The following RFX4 variants were observed in gnomAD, a reference collection of about 807,000 sequenced individuals.
RFX4 encodes the protein regulatory factor X4.
In RFX4, 10 loss-of-function variants were observed where a neutral mutation model predicts 95.0. The ratio of observed to expected loss-of-function variants is 0.11; its 90% CI spans 0.06 to 0.18. RFX4 has a LOEUF of 0.18. Among genes scored for constraint, RFX4 ranks in the 10% least tolerant of loss-of-function variants. The probability of loss-of-function intolerance (pLI) is 1.00; values close to 1 mark genes in which losing one functional copy is unlikely to be tolerated. For synonymous variants in RFX4, 321 were observed against 340.7 expected (o/e 0.94, Z 0.64); for missense variants, 640 against 922.0 (o/e 0.69, Z 3.96).
intron 2 of RFX4, among the ~76,000 whole-genome samples, chr12:106,619,500 T>A (rs1282759225): frequency 6.6e-6 from 1 of 152,188 alleles, no homozygotes; most frequent in Admixed American, 6.5e-5. Context: ...TTTTTGTCTC[T>A]GGCTGGTTTA....
chr12:106,665,630 T>C (rs2041160173), intron 4 of RFX4, among the ~76,000 whole-genome samples: 1 of 152,058 alleles, frequency 6.6e-6, no homozygotes, highest in Non-Finnish European at 1.5e-5. Context: ...CATTCCATTT[T>C]TTCTCCTTTA....
At chr12:106,698,334 C>T (rs2041921032) in intron 8 of RFX4, among the ~76,000 whole-genome samples, 1 of 151,774 alleles carries the variant, frequency 6.6e-6, no homozygotes. Flanking sequence ...TGCAGTGGTG[C>T]AATCATTGAT....
chr12:106,682,157 C>A, intron 5 of RFX4, 103 bp downstream of exon 5: 1 of 1,207,878 alleles, frequency 8.3e-7, no homozygotes, highest in Non-Finnish European at 1.2e-6. Flanking sequence ...GCAGGCCTGG[C>A]AGAAGTCTGT....
Position 106,654,219 on chromosome 12 carries a change from T to C in RFX4, c.192-9T>C. On this transcript the variant is annotated splice_polypyrimidine_tract_variant and intron_variant, in intron 3 of 17. Transcript: ENST00000392842. ...ACATTTTTTGCTCATTGGGCGTTTA[T>C]TTCCCTAGGCTGGAGGAGAACTATG... 2 of 1,613,912 alleles carry C rather than the reference T, an allele frequency of 1.2e-6. No individual in the cohort carries two copies. The highest frequency in any genetic ancestry group is 1.7e-6 in the Non-Finnish European group (2 of 1,179,868).
chr12:106,663,344 C>T lies in RFX4; in HGVS notation c.315+8993C>T, dbSNP rs553950734. On this transcript the variant is annotated intron_variant, in intron 4 of 17. Coordinates refer to ENST00000392842, the MANE Select transcript of RFX4 (RefSeq NM_213594.3). ...AACATAAATAGTATTGTGTTTTCAACGTCAAATACCACTTGTTTATTACTG... is the reference window on the plus strand; with the variant it reads ...AACATAAATAGTATTGTGTTTTCAATGTCAAATACCACTTGTTTATTACTG... 7.9e-5 allele frequency among the ~76,000 whole-genome samples: 12 copies of T among 152,058 alleles called. No homozygotes were observed. The South Asian group carries it at 1.2e-3, about 16-fold the overall frequency.
chr12:106,720,146 C>A lies in RFX4; in HGVS notation c.1233+92C>A. 9.1e-7 allele frequency: 1 copy of A among 1,101,326 alleles called. No individual in the cohort carries two copies. 68.2% of individuals were successfully genotyped at this position (1,101,326 alleles called of 1,614,324 possible). ...GGCCAAGACAAAGCCCTATGGTAAG[C>A]TATCTGAACAGGGTTTTGAGGAGAG... On this transcript the variant is annotated intron_variant, in intron 12 of 17. Coordinates refer to ENST00000392842, the MANE Select transcript of RFX4 (RefSeq NM_213594.3). The surrounding 1 kb of genome is among the most constrained non-coding windows in gnomAD (Gnocchi z 4.2).
chr12:106,590,729 G>T (rs1364820219), intron 1 of RFX4, among the ~76,000 whole-genome samples: 1 of 152,218 alleles, frequency 6.6e-6, no homozygotes, highest in African/African-American at 2.4e-5. Flanking sequence ...AGGATCACTT[G>T]AGGGCAAGAG....
chr12:106,595,156 G>T (rs1164559621), intron 1 of RFX4, among the ~76,000 whole-genome samples: 1 of 152,182 alleles, frequency 6.6e-6, no homozygotes, highest in Non-Finnish European at 1.5e-5. Flanking sequence ...CCAGTTTACA[G>T]ATGGGGAAAC....
intron 17 of RFX4, among the ~76,000 whole-genome samples, chr12:106,758,664 C>T (rs778477459): frequency 6.6e-6 from 1 of 152,194 alleles, no homozygotes; most frequent in Admixed American, 6.5e-5. Context: ...GAAGAGGCAG[C>T]TTAGTGAAGG....
intron 2 of RFX4, among the ~76,000 whole-genome samples, chr12:106,616,079 G>A (rs2040067288): frequency 6.6e-6 from 1 of 152,194 alleles, no homozygotes; most frequent in South Asian, 2.1e-4. Flanking sequence ...ACCATTAGGT[G>A]AGATGTTTGC....
chr12:106,705,533 G>T (rs1328223973), intron 8 of RFX4, among the ~76,000 whole-genome samples: 1 of 152,218 alleles, frequency 6.6e-6, no homozygotes, highest in Non-Finnish European at 1.5e-5. Flanking sequence ...AGGAGATGGA[G>T]TCAGTTGGGG....
rs535854765 is a variant in RFX4, at chr12:106,583,171, C to A, written c.-150C>A. 12 of 594,110 alleles carry A rather than the reference C, an allele frequency of 2.0e-5. No homozygotes were observed. In the East Asian group the frequency reaches 3.8e-4, roughly 19 times the overall value. The allele number at this position is 594,110 out of a possible 1,614,324, so 36.8% of individuals were successfully genotyped here. On this transcript the variant is annotated 5_prime_UTR_variant, in exon 1 of 18. Coordinates refer to ENST00000392842, the MANE Select transcript of RFX4 (RefSeq NM_213594.3). Reference sequence around the variant, plus strand: ...TCTTCTTTTTCTTTTCTTTTCCTTTCCTCCTTTATCCTTGTGCCCCCTCAC... The same window carrying A: ...TCTTCTTTTTCTTTTCTTTTCCTTTACTCCTTTATCCTTGTGCCCCCTCAC...
chr12:106,750,879 T>C (rs2042988393), intron 17 of RFX4, 86 bp downstream of exon 17: 8 of 1,212,226 alleles, frequency 6.6e-6, no homozygotes, highest in Non-Finnish European at 8.7e-6. Context: ...CTGTTATGCA[T>C]ACTGTGTGTG....
chr12:106,748,364 C>T lies in RFX4; in HGVS notation c.1796+765C>T, dbSNP rs1020703072. Among the ~76,000 whole-genome samples, 4 of 152,322 alleles carry T rather than the reference C, an allele frequency of 2.6e-5. No individual in the cohort carries two copies. In the East Asian group the frequency reaches 7.7e-4, roughly 29 times the overall value. Reference sequence around the variant, plus strand: ...GATTCCATTTAGAGAAGGGCTTCCCCACCTGAGGGCTGGAGGTCCCTTTAG... The same window carrying T: ...GATTCCATTTAGAGAAGGGCTTCCCTACCTGAGGGCTGGAGGTCCCTTTAG... On this transcript the variant is annotated intron_variant, in intron 16 of 17. Transcript: ENST00000392842.
intron 4 of RFX4, among the ~76,000 whole-genome samples, chr12:106,670,518 G>T (rs1440866167): frequency 6.6e-6 from 1 of 152,186 alleles, no homozygotes; most frequent in Non-Finnish European, 1.5e-5. Flanking sequence ...GCTTTTCAAA[G>T]AATTCTTCAT....
At chr12:106,730,994 C>A (rs1003355683) in intron 13 of RFX4, among the ~76,000 whole-genome samples, 1 of 151,374 alleles carries the variant, frequency 6.6e-6, no homozygotes, top group Non-Finnish European at 1.5e-5. Flanking sequence ...AGTGAGACTC[C>A]GTCTCAAAAA....
intron 1 of RFX4, among the ~76,000 whole-genome samples, chr12:106,604,616 T>G (rs2039786602): frequency 1.3e-5 from 2 of 152,208 alleles, no homozygotes; most frequent in Non-Finnish European, 2.9e-5. Context: ...CTATGCATTC[T>G]TTGACATGTG....
In RFX4 at chr12:106,732,111, T is replaced by G. The variant is rs1565998483; in HGVS notation, c.1352-19T>G. On this transcript the variant is annotated intron_variant, in intron 13 of 17. Coordinates refer to ENST00000392842, the MANE Select transcript of RFX4 (RefSeq NM_213594.3). ...GAGACAGCACGACTTACTTTCTGTT[T>G]GATCCTTTTTTTCACCAGGGTCTTT... 8.1e-6 allele frequency: 13 copies of G among 1,611,996 alleles called. No individual in the cohort carries two copies. The highest frequency in any genetic ancestry group is 1.1e-5 in the Non-Finnish European group (13 of 1,178,700).
At chr12:106,650,364 A>G (rs1033741689) in intron 3 of RFX4, among the ~76,000 whole-genome samples, 14 of 152,210 alleles carry the variant, frequency 9.2e-5, no homozygotes, top group Admixed American at 4.6e-4. Flanking sequence ...GTTCATGTGT[A>G]TGCATGAGAC....
Sources: allele counts gnomAD v4.1 joint callset (sites outside exome capture counted in the v4.1 genomes callset), GRCh38; gene constraint gnomAD v4.1.1; non-coding constraint Gnocchi (gnomAD v3.1); transcripts MANE v1.5; gene names NCBI Gene and HGNC (gene_info 2026-07-23, HGNC 2026-07-21).